The following SARAF variants were observed in gnomAD, a reference collection of about 807,000 sequenced individuals.
The protein encoded by SARAF is store-operated calcium entry-associated regulatory factor.
In SARAF, 23 loss-of-function variants were observed where a neutral mutation model predicts 39.7. The observed-to-expected ratio is 0.58, with a 90% CI of 0.42 to 0.82. SARAF has a LOEUF of 0.82. SARAF is among the 40% of genes least tolerant of loss of function. The pLI is 0.00. For missense variants in SARAF, 384 were observed against 418.5 expected (o/e 0.92, Z 0.72); for synonymous variants, 175 against 168.5 (o/e 1.04, Z -0.30).
At position 30,066,031 on chromosome 8, in the gene SARAF, A is replaced by T. The variant is rs149135189; in HGVS notation, c.951T>A (p.Tyr317Ter). ...YSPLHGGSGSYSVCSNSDTKT... is the reference protein window; with the variant it reads ...YSPLHGGSGS ...TCGTGTCTGAGTTTGAACATACCGA[A>T]TAGCTGCCCGAGCCTCCATGAAGGG... Residue 317 changes from tyrosine to a stop codon, truncating the protein, a stop_gained, in exon 5 of 6, where the codon TAT (tyrosine) becomes TAA (stop). Transcript: ENST00000256255. LOFTEE classifies it high-confidence loss of function. 3 of 1,614,148 alleles carry T rather than the reference A, an allele frequency of 1.9e-6. No homozygotes were observed. The highest frequency in any genetic ancestry group is 1.7e-6 in the Non-Finnish European group (2 of 1,180,012).
intron 1 of SARAF, chr8:30,082,500 A>G (rs1802128347): frequency 9.5e-6 from 2 of 210,954 alleles, no homozygotes; most frequent in Non-Finnish European, 1.9e-5. Context: ...TCACACAGCC[A>G]TAACAACAAA....
intron 4 of SARAF, 82 bp downstream of exon 4, chr8:30,066,695 A>ATTTT: frequency 6.5e-7 from 1 of 1,533,610 alleles, no homozygotes; most frequent in South Asian, 1.2e-5. Flanking sequence ...TATTTTCCTT[A>ATTTT]GCAAAACTAA....
At chr8:30,066,419 A>T (rs530502595) in intron 4 of SARAF, among the ~76,000 whole-genome samples, 1 of 152,260 alleles carries the variant, frequency 6.6e-6, no homozygotes, top group Admixed American at 6.5e-5. Context: ...CATATTCCAA[A>T]ATCTGGCCCC....
In SARAF at chr8:30,067,101, G is replaced by C. The variant is rs1194953364; in HGVS notation, c.701-183C>G. 6.2e-6 allele frequency: 4 copies of C among 645,974 alleles called. No individual in the cohort carries two copies. The African/African-American group carries it at 7.3e-5, about 12-fold the overall frequency. The allele number at this position is 645,974 out of a possible 1,614,324, so 40.0% of individuals were successfully genotyped here. ...AAATACTGGTTTATAATGAGGGAGA[G>C]CATTTCCCATAGATATGGGAGGAGA... On this transcript the variant is annotated intron_variant, in intron 3 of 5. Transcript: ENST00000256255.
chr8:30,069,583 G>C lies in SARAF; in HGVS notation c.700+59C>G. On this transcript the variant is annotated intron_variant, in intron 3 of 5. Transcript: ENST00000256255. ...CAACGATTTTCTATTTCAGAACCAAGCACAGGATGCACTAACCTCACACCC... is the reference window on the plus strand; with the variant it reads ...CAACGATTTTCTATTTCAGAACCAACCACAGGATGCACTAACCTCACACCC... 6.1e-6 allele frequency: 9 copies of C among 1,480,184 alleles called. No individual in the cohort carries two copies. In the South Asian group the frequency reaches 1.0e-4, roughly 17 times the overall value. The allele number at this position is 1,480,184 out of a possible 1,614,324, so 91.7% of individuals were successfully genotyped here. A position where few individuals can be genotyped will look rare whatever the true frequency, so the allele number is the denominator to read the frequency against.
chr8:30,079,606 G>A (rs1468057004), intron 1 of SARAF, among the ~76,000 whole-genome samples: 1 of 152,148 alleles, frequency 6.6e-6, no homozygotes, highest in East Asian at 1.9e-4. Context: ...AAAGAACACT[G>A]AACTAAGTTG....
At chr8:30,065,035 A>G (rs1801651941) in intron 5 of SARAF, among the ~76,000 whole-genome samples, 1 of 152,024 alleles carries the variant, frequency 6.6e-6, no homozygotes, top group South Asian at 2.1e-4. Context: ...TGGCTTCTTT[A>G]TATTTGGTAG....
chr8:30,065,632 C>A, intron 5 of SARAF: 1 of 218,746 alleles, frequency 4.6e-6, no homozygotes, highest in Non-Finnish European at 9.4e-6. Flanking sequence ...TAAAGTATAC[C>A]TCAATATCTT....
At chr8:30,069,293 C>T (rs1171895461) in intron 3 of SARAF, among the ~76,000 whole-genome samples, 1 of 151,954 alleles carries the variant, frequency 6.6e-6, no homozygotes, top group Non-Finnish European at 1.5e-5. Context: ...GTGCCCGCCA[C>T]AACACCCGGC....
chr8:30,065,225 A>G (rs1169965711), intron 5 of SARAF, among the ~76,000 whole-genome samples: 1 of 152,170 alleles, frequency 6.6e-6, no homozygotes, highest in East Asian at 1.9e-4. Flanking sequence ...ATCTGCCAGC[A>G]CACAAGTGTA....
intron 5 of SARAF, among the ~76,000 whole-genome samples, chr8:30,065,192 A>G (rs988980722): frequency 1.3e-5 from 2 of 152,172 alleles, no homozygotes; most frequent in African/African-American, 4.8e-5. Context: ...ATGAATAGGG[A>G]TGCTATGAAC....
Position 30,079,346 on chromosome 8 carries a change from TG to T in SARAF, c.103+3500del, listed in dbSNP as rs543485344. On this transcript the variant is annotated intron_variant, in intron 1 of 5. Transcript: ENST00000256255. Reference sequence around the variant, plus strand: ...CTTTAATAAATAGCACTGGCATAATTGACTATGCAGCCACAAGAAAATCCAC... The same window carrying T: ...CTTTAATAAATAGCACTGGCATAATTACTATGCAGCCACAAGAAAATCCAC... 1.9e-4 allele frequency among the ~76,000 whole-genome samples: 29 copies of T among 152,096 alleles called. 1 individual carries two copies. Among genetic ancestry groups the T allele is most frequent in the Non-Finnish European group, 3.5e-4 (24 of 68,022 alleles).
intron 1 of SARAF, chr8:30,078,347 T>C (rs1802022121): frequency 9.6e-6 from 4 of 415,220 alleles, no homozygotes; most frequent in Non-Finnish European, 9.4e-6. Context: ...GTTGTCATAC[T>C]GAAAGGGCCC....
At chr8:30,081,223 T>C (rs1048184247) in intron 1 of SARAF, among the ~76,000 whole-genome samples, 4 of 152,182 alleles carry the variant, frequency 2.6e-5, no homozygotes, top group Non-Finnish European at 4.4e-5. Flanking sequence ...CTCTGCAAAA[T>C]ATTGTGGTGC....
At chr8:30,079,760 G>A (rs1802056732) in intron 1 of SARAF, among the ~76,000 whole-genome samples, 1 of 152,142 alleles carries the variant, frequency 6.6e-6, no homozygotes, top group South Asian at 2.1e-4. Context: ...AGTACTTGAA[G>A]CATAACAGGT....
intron 3 of SARAF, among the ~76,000 whole-genome samples, chr8:30,067,963 A>T (rs1801730128): frequency 1.3e-5 from 2 of 152,106 alleles, no homozygotes; most frequent in Admixed American, 1.3e-4. Flanking sequence ...GTCACTCTAC[A>T]TTCTTGCCCA....
chr8:30,076,972 A>G (rs1349228163), intron 1 of SARAF, among the ~76,000 whole-genome samples: 1 of 152,224 alleles, frequency 6.6e-6, no homozygotes, highest in Admixed American at 6.5e-5. Flanking sequence ...AACCAGGACA[A>G]AACAACAACA....
At chr8:30,073,226 C>T (rs1444562659) in intron 2 of SARAF, among the ~76,000 whole-genome samples, 1 of 152,110 alleles carries the variant, frequency 6.6e-6, no homozygotes, top group South Asian at 2.1e-4. Flanking sequence ...TGTGACCAGT[C>T]GTCTTAAATC....
chr8:30,063,863 C>T lies in SARAF; in HGVS notation c.*25G>A. The T allele has an allele frequency of 1.2e-6, 2 of 1,610,786 alleles. No individual in the cohort carries two copies. Among genetic ancestry groups the T allele is most frequent in the Non-Finnish European group, 8.5e-7 (1 of 1,177,276 alleles). ...ATGAAAAATCCAAAATTTCTGCATC[C>T]AGTGTTTGACTCCAACTTTCTACTT... On this transcript the variant is annotated 3_prime_UTR_variant, in exon 6 of 6. Transcript: ENST00000256255.
Sources: gnomAD v4.1 joint callset for allele counts (sites outside exome capture counted in the v4.1 genomes callset) on GRCh38, gnomAD v4.1.1 for gene constraint, MANE v1.5 for transcripts, NCBI Gene and HGNC (gene_info 2026-07-23, HGNC 2026-07-21) for gene names.